The following CSMD1 variants were observed in gnomAD, a reference collection of about 807,000 sequenced individuals.
CSMD1 encodes CUB and Sushi multiple domains 1, also known as CUB and sushi domain-containing protein 1.
A neutral mutation model predicts 417.5 loss-of-function variants in CSMD1; 213 were observed. The ratio of observed to expected loss-of-function variants is 0.51; its 90% CI spans 0.46 to 0.57. The LOEUF (loss-of-function observed/expected upper bound fraction) is 0.57. CSMD1 is among the 20% of genes least tolerant of loss of function. The pLI, the probability that CSMD1 is intolerant of heterozygous loss-of-function variation, is 0.00. For synonymous variants in CSMD1, 2,862 were observed against 1,736.8 expected (o/e 1.65, Z -16.11); for missense variants, 6,923 against 4,529.7 (o/e 1.53, Z -15.17).
Position 3,288,604 on chromosome 8 carries a change from T to A in CSMD1, c.3951-4258A>T, listed in dbSNP as rs559328675. 4.5e-4 allele frequency among the ~76,000 whole-genome samples: 67 copies of A among 147,506 alleles called. 10 individuals carry two copies. Among genetic ancestry groups the A allele is most frequent in the African/African-American group, 1.8e-3 (66 of 37,292 alleles). ...ATTTGCATAGAGGTGTTTATAGTAT[T>A]CTCTGATGGTAGTTTGTATTTCTGT... On this transcript the variant is annotated intron_variant, in intron 25 of 69. Coordinates refer to ENST00000635120, the MANE Select transcript of CSMD1 (RefSeq NM_033225.6).
At chr8:4,273,093 A>G (rs1481865912) in intron 3 of CSMD1, among the ~76,000 whole-genome samples, 1 of 152,180 alleles carries the variant, frequency 6.6e-6, no homozygotes, top group Non-Finnish European at 1.5e-5. Flanking sequence ...AGTATAAAAA[A>G]TATAAACAAA....
At chr8:4,175,745 G>C (rs946015636) in intron 3 of CSMD1, among the ~76,000 whole-genome samples, 4 of 152,078 alleles carry the variant, frequency 2.6e-5, no homozygotes, top group Non-Finnish European at 1.5e-5. Context: ...AAAAATAATG[G>C]TGAAATATTA....
At chr8:3,310,524 G>A (rs184003822) in intron 23 of CSMD1, among the ~76,000 whole-genome samples, 6 of 152,254 alleles carry the variant, frequency 3.9e-5, no homozygotes, top group East Asian at 1.9e-4. Context: ...AAAATCTTGC[G>A]CTATCTTGAA....
intron 3 of CSMD1, among the ~76,000 whole-genome samples, chr8:4,322,528 A>G (rs941385307): frequency 3.3e-5 from 5 of 152,334 alleles, no homozygotes; most frequent in Non-Finnish European, 4.4e-5. Context: ...GTATAAAAAC[A>G]TAACATTTGA....
At chr8:3,845,942 C>A (rs1585082305) in intron 5 of CSMD1, among the ~76,000 whole-genome samples, 1 of 152,172 alleles carries the variant, frequency 6.6e-6, no homozygotes, top group East Asian at 1.9e-4. Flanking sequence ...CCTTCACATC[C>A]TGTCCCACTG....
intron 5 of CSMD1, among the ~76,000 whole-genome samples, chr8:3,767,750 T>C (rs1374812357): frequency 1.3e-5 from 2 of 152,174 alleles, no homozygotes; most frequent in Admixed American, 1.3e-4. Flanking sequence ...CTTAAGATGA[T>C]AAAACATTAA....
intron 1 of CSMD1, among the ~76,000 whole-genome samples, chr8:4,868,810 A>G (rs1005685535): frequency 5.3e-5 from 8 of 151,808 alleles, no homozygotes; most frequent in African/African-American, 1.7e-4. Flanking sequence ...TAAAAATATC[A>G]TGTGCTGTAT....
intron 3 of CSMD1, among the ~76,000 whole-genome samples, chr8:4,402,560 C>T (rs902889029): frequency 6.6e-6 from 1 of 152,184 alleles, no homozygotes; most frequent in Non-Finnish European, 1.5e-5. Context: ...TATTCTTCCA[C>T]TCTTGAAGGG....
rs2959175 is a variant in CSMD1, at chr8:4,421,794, C to A, written c.303-1729G>T. 8.9e-3 allele frequency among the ~76,000 whole-genome samples: 1,344 copies of A among 151,264 alleles called. 16 individuals are homozygous for A. The highest frequency in any genetic ancestry group is 0.03 in the African/African-American group (1,249 of 41,238). On this transcript the variant is annotated intron_variant, in intron 2 of 69. Transcript: ENST00000635120. Reference sequence around the variant, plus strand: ...CTATAAAAGAAAAAAACAAAAAAAACTAAAGCAAACAGAAAGCAAAAAACA... The same window carrying A: ...CTATAAAAGAAAAAAACAAAAAAAAATAAAGCAAACAGAAAGCAAAAAACA...
chr8:3,258,023 C>T (rs925187412), intron 26 of CSMD1, among the ~76,000 whole-genome samples: 1 of 152,282 alleles, frequency 6.6e-6, no homozygotes, highest in Non-Finnish European at 1.5e-5. Context: ...GGAGGAGACT[C>T]AGCCATGGGA....
At chr8:3,925,447 G>C (rs551776176) in intron 5 of CSMD1, among the ~76,000 whole-genome samples, 1 of 152,176 alleles carries the variant, frequency 6.6e-6, no homozygotes, top group East Asian at 1.9e-4. Flanking sequence ...AGTTAAACCT[G>C]AAATACAGTT....
intron 5 of CSMD1, among the ~76,000 whole-genome samples, chr8:3,881,524 C>T (rs553228428): frequency 1.3e-5 from 2 of 149,630 alleles, no homozygotes; most frequent in African/African-American, 2.5e-5. Flanking sequence ...GTAATCTCAG[C>T]TACTCAGGAG....
In CSMD1 at chr8:3,367,053, C is replaced by A; in HGVS notation, c.3094G>T (p.Gly1032Cys). The A allele has an allele frequency of 6.2e-7, 1 of 1,613,454 alleles. No homozygotes were observed. The highest frequency in any genetic ancestry group is 8.5e-7 in the Non-Finnish European group (1 of 1,179,658). The change falls in exon 20 of 70, where the codon GGC becomes TGC. Residue 1032 changes from glycine to cysteine, a missense_variant. Coordinates refer to ENST00000635120, the MANE Select transcript of CSMD1 (RefSeq NM_033225.6). ...ATACCTGAAAATGTGATATTGAAGC[C>A]CTCGTACGAAATTGAGAAGTCTGAT... ...FISDFSISYE[G>C]FNITFSEYDL...
intron 2 of CSMD1, among the ~76,000 whole-genome samples, chr8:4,448,118 T>TA (rs1261759571): frequency 6.6e-6 from 1 of 152,230 alleles, no homozygotes; most frequent in Non-Finnish European, 1.5e-5. Flanking sequence ...GATCTCTTCC[T>TA]AGTTCTCACT....
At position 4,583,876 on chromosome 8, in the gene CSMD1, G is replaced by T. The variant is rs369256284; in HGVS notation, c.302+53466C>A. On this transcript the variant is annotated intron_variant, in intron 2 of 69. Coordinates refer to ENST00000635120, the MANE Select transcript of CSMD1 (RefSeq NM_033225.6). ...TGGAAGCTTTGTTCTTTCACTCTTT[G>T]CAATAAATCTTGCTGCTGCTCACTC... Among the ~76,000 whole-genome samples the T allele has an allele frequency of 7.9e-5, 12 of 152,130 alleles. No homozygotes were observed. The East Asian group carries it at 1.9e-3, about 25-fold the overall frequency.
rs569480557 is a variant in CSMD1 at position 3,537,250 on chromosome 8, G to A, written c.1344+37695C>T. On this transcript the variant is annotated intron_variant, in intron 10 of 69. Coordinates refer to ENST00000635120, the MANE Select transcript of CSMD1 (RefSeq NM_033225.6). Reference sequence around the variant, plus strand: ...GATCTCCTGACCTTGTGATCCACCTGCCTTGGCCTCCCAAAGTGCTGGGAT... The same window carrying A: ...GATCTCCTGACCTTGTGATCCACCTACCTTGGCCTCCCAAAGTGCTGGGAT... 1.3e-4 allele frequency among the ~76,000 whole-genome samples: 20 copies of A among 152,260 alleles called. 1 individual carries two copies. The East Asian group carries it at 3.7e-3, about 28-fold the overall frequency.
chr8:4,982,688 C>A (rs1584950673), intron 1 of CSMD1, among the ~76,000 whole-genome samples: 2 of 152,078 alleles, frequency 1.3e-5, no homozygotes, highest in Non-Finnish European at 1.5e-5. Flanking sequence ...TTTTAAAAGA[C>A]CTATCATTGT....
At chr8:4,397,122 A>C (rs561314513) in intron 3 of CSMD1, among the ~76,000 whole-genome samples, 4 of 152,254 alleles carry the variant, frequency 2.6e-5, no homozygotes, top group Middle Eastern at 3.4e-3. Flanking sequence ...AACCATCTGC[A>C]CGCCATCACA....
chr8:3,514,177 C>T (rs916680234), intron 10 of CSMD1, among the ~76,000 whole-genome samples: 3 of 152,122 alleles, frequency 2.0e-5, no homozygotes, highest in African/African-American at 7.2e-5. Context: ...AGCTTGTTCC[C>T]CAATCCCTCA....
Sources: allele counts gnomAD v4.1 joint callset (sites outside exome capture counted in the v4.1 genomes callset), GRCh38; gene constraint gnomAD v4.1.1; transcripts MANE v1.5; gene names NCBI Gene and HGNC (gene_info 2026-07-23, HGNC 2026-07-21).